IRAG2: variants seen among roughly 807,000 people sequenced by gnomAD.
The protein encoded by IRAG2 is lymphoid restricted membrane protein.
IRAG2 carries 45 observed loss-of-function variants against 69.9 expected under a neutral mutation model. The ratio of observed to expected loss-of-function variants is 0.64; its 90% CI spans 0.51 to 0.83. The LOEUF is 0.83. Among genes scored for constraint, IRAG2 ranks in the 40% least tolerant of loss-of-function variants. IRAG2 has a pLI of 0.00. For synonymous variants in IRAG2, 193 were observed against 202.4 expected (o/e 0.95, Z 0.40); for missense variants, 520 against 587.0 (o/e 0.89, Z 1.18).
intron 16 of IRAG2, among the ~76,000 whole-genome samples, chr12:25,045,283 C>T (rs2139866017): frequency 6.6e-6 from 1 of 152,026 alleles, no homozygotes; most frequent in East Asian, 1.9e-4. Flanking sequence ...GTGATAAACA[C>T]TTATACTAAA....
chr12:25,067,567 T>G (rs949846326), intron 5 of IRAG2, among the ~76,000 whole-genome samples: 1 of 152,166 alleles, frequency 6.6e-6, no homozygotes, highest in African/African-American at 2.4e-5. Flanking sequence ...ATCCCCTTCT[T>G]GGGTTCAAAT....
At chr12:25,054,491 AAT>A (rs1225323343) in intron 1 of IRAG2, among the ~76,000 whole-genome samples, 1 of 152,202 alleles carries the variant, frequency 6.6e-6, no homozygotes, top group Non-Finnish European at 1.5e-5. Flanking sequence ...AGTCAACTTT[AAT>A]AACTTACCCC....
intron 14 of IRAG2, chr12:25,036,469 G>A (rs1944702818): frequency 2.5e-6 from 1 of 395,258 alleles, no homozygotes; most frequent in South Asian, 1.4e-4. Flanking sequence ...AGATGCAAAG[G>A]AACGTATTCT....
At chr12:25,034,452 GTTAATT>G (rs968656155) in intron 13 of IRAG2, among the ~76,000 whole-genome samples, 13 of 152,098 alleles carry the variant, frequency 8.5e-5, no homozygotes, top group African/African-American at 3.1e-4. Flanking sequence ...ATGTGTTTTG[GTTAATT>G]TTAAAGTGGC....
intron 10 of IRAG2, among the ~76,000 whole-genome samples, chr12:25,087,180 T>TTTTTTTTTTTTTTTTTTTTGTTG (rs1450270058): frequency 3.2e-5 from 4 of 125,170 alleles, no homozygotes; most frequent in African/African-American, 1.3e-4. Flanking sequence ...TTTTTTTTTT[T>TTTTTTTTTTTTTTTTTTTTGTTG]TTGTTGAGAC....
upstream of IRAG2, among the ~76,000 whole-genome samples, chr12:25,049,807 C>A (rs1944826205): frequency 6.6e-6 from 1 of 151,574 alleles, no homozygotes; most frequent in Admixed American, 6.6e-5. Context: ...AAGGTGAAAC[C>A]CTGTCTCTAC....
intron 3 of IRAG2, 76 bp downstream of exon 3, chr12:25,062,976 C>T (rs1204545855): frequency 2.5e-6 from 1 of 398,156 alleles, no homozygotes; most frequent in Non-Finnish European, 4.4e-6. Flanking sequence ...AAGCTAAATC[C>T]AGTATGTATC....
chr12:25,074,060 A>T (rs2140056290), intron 6 of IRAG2, among the ~76,000 whole-genome samples: 1 of 152,358 alleles, frequency 6.6e-6, no homozygotes, highest in Non-Finnish European at 1.5e-5. Context: ...TGGCTTTATT[A>T]CTTATTAGCT....
At chr12:25,010,969 T>C (rs1944470121) in intron 2 of IRAG2, among the ~76,000 whole-genome samples, 1 of 152,252 alleles carries the variant, frequency 6.6e-6, no homozygotes. Context: ...AAAACTTCCT[T>C]CATTGAAGGC....
At chr12:25,066,776 A>G (rs907774251) in intron 5 of IRAG2, among the ~76,000 whole-genome samples, 8 of 151,662 alleles carry the variant, frequency 5.3e-5, no homozygotes, top group Non-Finnish European at 1.0e-4. Flanking sequence ...CAGCCTTCCA[A>G]GTAGCTGGGA....
intron 6 of IRAG2, among the ~76,000 whole-genome samples, chr12:25,072,747 C>G (rs1946417554): frequency 6.6e-6 from 1 of 152,296 alleles, no homozygotes; most frequent in South Asian, 2.1e-4. Flanking sequence ...GTATTGGAGT[C>G]CCTCTCTAAA....
In IRAG2 at chr12:25,077,365, T is replaced by C. The variant is rs866012679; in HGVS notation, c.25-1879T>C. Among the ~76,000 whole-genome samples, 177 of 113,700 alleles carry C rather than the reference T, an allele frequency of 1.6e-3. 12 individuals are homozygous for C. The highest frequency in any genetic ancestry group is 6.5e-3 in the African/African-American group (165 of 25,286). 74.6% of individuals were successfully genotyped at this position (113,700 alleles called of 152,430 possible). A position where few individuals can be genotyped will look rare whatever the true frequency, so the allele number is the denominator to read the frequency against. On this transcript the variant is annotated intron_variant, in intron 6 of 21. Coordinates refer to ENST00000556887, the MANE Select transcript of IRAG2 (RefSeq NM_001366544.2). The stretch of plus-strand genomic sequence containing the variant: ...AAATATATATATGATATATATGATA[T>C]ATATGAAATATATATATGATATATA...
At chr12:25,010,390 T>C (rs541189427) in intron 2 of IRAG2, among the ~76,000 whole-genome samples, 2 of 152,130 alleles carry the variant, frequency 1.3e-5, no homozygotes, top group Admixed American at 1.3e-4. Flanking sequence ...GGTGGGAGGA[T>C]TGCTTAAGCC....
At chr12:25,094,524 T>G (rs1161887129) in intron 14 of IRAG2, among the ~76,000 whole-genome samples, 1 of 152,192 alleles carries the variant, frequency 6.6e-6, no homozygotes, top group Non-Finnish European at 1.5e-5. Context: ...TCCTCCTACT[T>G]TTTCAAAAGT....
chr12:25,011,201 T>G (rs1160028885), intron 2 of IRAG2: 1 of 489,654 alleles, frequency 2.0e-6, no homozygotes, highest in African/African-American at 2.0e-5. Context: ...TCCATTAGAC[T>G]TTAGCCCAAG....
upstream of IRAG2, among the ~76,000 whole-genome samples, chr12:25,050,939 A>G (rs561803941): frequency 2.6e-5 from 4 of 152,310 alleles, no homozygotes; most frequent in Non-Finnish European, 5.9e-5. Context: ...AACTAATAGA[A>G]AGAGAGAGAA....
At chr12:25,068,802 T>A (rs1211416046) in intron 5 of IRAG2, among the ~76,000 whole-genome samples, 1 of 152,202 alleles carries the variant, frequency 6.6e-6, no homozygotes, top group African/African-American at 2.4e-5. Context: ...CTAGCACCTC[T>A]GTCTACAAGG....
At chr12:25,030,225 C>A (rs1388802056) in intron 9 of IRAG2, 1 of 1,131,228 alleles carries the variant, frequency 8.8e-7, no homozygotes, top group African/African-American at 1.6e-5. Context: ...ATGGCACTGT[C>A]CTTTTACCAA....
chr12:25,011,271 T>C, intron 2 of IRAG2: 1 of 1,059,784 alleles, frequency 9.4e-7, no homozygotes, highest in Non-Finnish European at 1.2e-6. Context: ...TTATATATCA[T>C]GTTTCTAGGA....
Sources: allele counts gnomAD v4.1 joint callset (sites outside exome capture counted in the v4.1 genomes callset), GRCh38; gene constraint gnomAD v4.1.1; transcripts MANE v1.5; gene names NCBI Gene and HGNC (gene_info 2026-07-23, HGNC 2026-07-21).